The following RASA3 variants were observed in gnomAD, a reference collection of about 807,000 sequenced individuals.
RASA3 encodes the protein ras GTPase-activating protein 3.
In RASA3, 73 loss-of-function variants were observed where a neutral mutation model predicts 110.0. That is an observed-to-expected ratio of 0.66 (90% CI 0.55 to 0.81). The LOEUF (loss-of-function observed/expected upper bound fraction) is 0.81. Ranked by LOEUF, RASA3 falls within the 30% of genes least tolerant of loss-of-function variation. The probability of loss-of-function intolerance (pLI) is 0.00; values close to 1 mark genes in which losing one functional copy is unlikely to be tolerated. For missense variants in RASA3, 976 were observed against 1,113.2 expected, an observed-to-expected ratio of 0.88 and a Z score of 1.75; for synonymous variants, 500 against 451.4, an observed-to-expected ratio of 1.11 and a Z score of -1.37.
chr13:114,124,713 GGCCTGACGGA>G (rs1390014930), intron 1 of RASA3, among the ~76,000 whole-genome samples: 1 of 152,248 alleles, frequency 6.6e-6, no homozygotes, highest in Non-Finnish European at 1.5e-5. Context: ...CGCCCGCTGC[GGCCTGACGGA>G]GCCGCTCCTT....
At chr13:114,021,727 G>A (rs779151936) in intron 8 of RASA3, among the ~76,000 whole-genome samples, 4 of 152,224 alleles carry the variant, frequency 2.6e-5, no homozygotes, top group East Asian at 1.9e-4. Context: ...TGGGCAGGCA[G>A]AGGAAGGCGG....
intron 1 of RASA3, among the ~76,000 whole-genome samples, chr13:114,106,658 G>A (rs982612228): frequency 4.6e-5 from 7 of 152,330 alleles, no homozygotes; most frequent in East Asian, 1.9e-4. Flanking sequence ...AGCCCCTGGC[G>A]TGGGGAGGGG....
chr13:114,090,846 C>T (rs1203717542), intron 1 of RASA3, among the ~76,000 whole-genome samples: 1 of 152,160 alleles, frequency 6.6e-6, no homozygotes, highest in African/African-American at 2.4e-5. Flanking sequence ...CCTTAATCTA[C>T]AACTCCAGTT....
chr13:114,112,231 C>T lies in RASA3; in HGVS notation c.55+20204G>A, dbSNP rs1223840935. Among the ~76,000 whole-genome samples, 1 of 152,178 alleles carries T rather than the reference C, an allele frequency of 6.6e-6. No homozygotes were observed. The highest frequency in any genetic ancestry group is 1.5e-5 in the Non-Finnish European group (1 of 68,042). ...GTGAATGGGTGTTACCAAAAAATGG[C>T]ATTAGCAGGGCACCAGGGGCCAGGC... is the stretch of plus-strand genomic sequence containing the variant. On this transcript the variant is annotated intron_variant, in intron 1 of 23. Coordinates refer to ENST00000334062, the MANE Select transcript of RASA3 (RefSeq NM_007368.4). This position sits in a 1 kb window ranked among gnomAD's most constrained non-coding sequence, Gnocchi z 4.8.
chr13:114,071,367 G>A (rs887018797), intron 2 of RASA3, among the ~76,000 whole-genome samples: 2 of 152,188 alleles, frequency 1.3e-5, no homozygotes, highest in Non-Finnish European at 2.9e-5. Flanking sequence ...TGAAAGAGAG[G>A]TTCCCAAACA....
intron 2 of RASA3, among the ~76,000 whole-genome samples, chr13:114,069,461 G>A (rs1361581751): frequency 1.7e-4 from 18 of 107,862 alleles, no homozygotes; most frequent in East Asian, 2.9e-4. Context: ...AGACTTGGGG[G>A]GCTGGGAGAC....
intron 3 of RASA3, among the ~76,000 whole-genome samples, chr13:114,044,885 A>G (rs984018564): frequency 2.0e-5 from 3 of 152,120 alleles, no homozygotes; most frequent in African/African-American, 7.2e-5. Context: ...GAGAAGTCAC[A>G]TATTTACGTG....
intron 16 of RASA3, among the ~76,000 whole-genome samples, 199 bp downstream of exon 16, chr13:114,010,972 G>T (rs1202279700): frequency 1.3e-5 from 2 of 152,084 alleles, no homozygotes; most frequent in Non-Finnish European, 2.9e-5. Flanking sequence ...AAAGGCAAGG[G>T]GTTCACTTTA....
intron 4 of RASA3, among the ~76,000 whole-genome samples, chr13:114,038,288 C>T (rs754821834): frequency 1.3e-5 from 2 of 152,256 alleles, no homozygotes; most frequent in African/African-American, 2.4e-5. Flanking sequence ...CCCCGTCTCC[C>T]GGGCAGCACG....
chr13:114,082,521 A>T (rs996022110), intron 1 of RASA3, among the ~76,000 whole-genome samples: 2 of 152,216 alleles, frequency 1.3e-5, no homozygotes, highest in Admixed American at 1.3e-4. Context: ...CCCCGGGTGG[A>T]CACACGCGCT....
intron 4 of RASA3, among the ~76,000 whole-genome samples, chr13:114,037,469 G>A (rs1469124229): frequency 6.6e-6 from 1 of 152,160 alleles, no homozygotes; most frequent in Non-Finnish European, 1.5e-5. Flanking sequence ...CAGAGACAGA[G>A]TGCCATGGGG....
intron 7 of RASA3, 93 bp from the exon 8 acceptor site, chr13:114,024,448 G>T: frequency 3.6e-6 from 4 of 1,112,352 alleles, no homozygotes; most frequent in Non-Finnish European, 5.5e-6. Context: ...TACCCTCTGC[G>T]CTTACCCACA....
chr13:114,021,141 T>C (rs2053920011), intron 9 of RASA3, among the ~76,000 whole-genome samples: 1 of 152,164 alleles, frequency 6.6e-6, no homozygotes, highest in African/African-American at 2.4e-5. Flanking sequence ...ACGTTCCCTG[T>C]CTTGTTTTGA....
At position 114,093,424 on chromosome 13, in the gene RASA3, G is replaced by A. The variant is rs892504964; in HGVS notation, c.56-19587C>T. ...CCTATAAGGTTTCTGCTGAGAAGTT[G>A]CTGCTAGGTATATTGGATCTCCCCA... On this transcript the variant is annotated intron_variant, in intron 1 of 23. Coordinates refer to ENST00000334062, the MANE Select transcript of RASA3 (RefSeq NM_007368.4). 4.6e-5 allele frequency among the ~76,000 whole-genome samples: 7 copies of A among 152,306 alleles called. No homozygotes were observed. The South Asian group carries it at 1.5e-3, about 32-fold the overall frequency.
chr13:114,045,058 G>A (rs1347779280), intron 3 of RASA3, among the ~76,000 whole-genome samples: 3 of 152,130 alleles, frequency 2.0e-5, no homozygotes, highest in Non-Finnish European at 2.9e-5. Flanking sequence ...CCTCATTCCC[G>A]ACGTGGGGTC....
At chr13:114,023,970 A>G (rs2053979737) in intron 8 of RASA3, among the ~76,000 whole-genome samples, 1 of 152,164 alleles carries the variant, frequency 6.6e-6, no homozygotes, top group Non-Finnish European at 1.5e-5. Flanking sequence ...GAACCCATGG[A>G]AGGCGGAGGG....
At chr13:114,025,801 C>G (rs912418059) in intron 7 of RASA3, among the ~76,000 whole-genome samples, 1 of 152,222 alleles carries the variant, frequency 6.6e-6, no homozygotes, top group African/African-American at 2.4e-5. Context: ...ATCTGTTTTC[C>G]TGGGTCTGCT....
At position 114,042,345 on chromosome 13, in the gene RASA3, T is replaced by C. The variant is rs117414171; in HGVS notation, c.278-1251A>G. On this transcript the variant is annotated intron_variant, in intron 3 of 23. Coordinates refer to ENST00000334062, the MANE Select transcript of RASA3 (RefSeq NM_007368.4). ...ACCCACGGCAGCACATGCACCTCTG[T>C]TGACCGATGCACGTGAACTCCTAGG... 1.3e-3 allele frequency among the ~76,000 whole-genome samples: 199 copies of C among 152,372 alleles called. 2 individuals are homozygous for C. In the East Asian group the frequency reaches 0.037, roughly 28 times the overall value.
intron 7 of RASA3, among the ~76,000 whole-genome samples, chr13:114,026,749 T>C (rs1478413097): frequency 6.6e-6 from 1 of 152,196 alleles, no homozygotes; most frequent in Non-Finnish European, 1.5e-5. Flanking sequence ...TGTTTGTGGA[T>C]GGGAAGAACA....
Sources: allele counts gnomAD v4.1 joint callset (sites outside exome capture counted in the v4.1 genomes callset), GRCh38; gene constraint gnomAD v4.1.1; non-coding constraint Gnocchi (gnomAD v3.1); transcripts MANE v1.5; gene names NCBI Gene and HGNC (gene_info 2026-07-23, HGNC 2026-07-21).